Variants in GNG2 observed in about 807,000 individuals in gnomAD.
GNG2 encodes G protein subunit gamma 2, also known as guanine nucleotide-binding protein G(I)/G(S)/G(O) subunit gamma-2.
GNG2 carries 5 observed loss-of-function variants against 5.5 expected under a neutral mutation model. That is an observed-to-expected ratio of 0.91 (90% CI 0.48 to 1.92). The LOEUF (loss-of-function observed/expected upper bound fraction) is 1.92, where lower values mean the gene tolerates loss of function less well. GNG2 is among the 30% of genes most tolerant of loss of function. The pLI is 0.01. For synonymous variants in GNG2, 28 were observed against 32.0 expected, an observed-to-expected ratio of 0.88 and a Z score of 0.42; for missense variants, 55 against 88.4, an observed-to-expected ratio of 0.62 and a Z score of 1.52.
chr14:51,953,974 G>T (rs988256189), intron 3 of GNG2, among the ~76,000 whole-genome samples: 1 of 152,174 alleles, frequency 6.6e-6, no homozygotes, highest in Non-Finnish European at 1.5e-5. Context: ...CAAAGAATAG[G>T]ACTCTTAAGA....
At chr14:51,944,215 A>C (rs1888510621) in intron 2 of GNG2, among the ~76,000 whole-genome samples, 1 of 152,180 alleles carries the variant, frequency 6.6e-6, no homozygotes, top group African/African-American at 2.4e-5. Flanking sequence ...TGCTATCAAA[A>C]AAAAAATGCA....
At chr14:51,947,860 C>G (rs1442455915) in intron 2 of GNG2, among the ~76,000 whole-genome samples, 1 of 152,170 alleles carries the variant, frequency 6.6e-6, no homozygotes, top group African/African-American at 2.4e-5. Flanking sequence ...AATAGCAGGT[C>G]TGTTGGCTAA....
intron 2 of GNG2, among the ~76,000 whole-genome samples, chr14:51,891,696 CCAA>C (rs1348790544): frequency 6.6e-6 from 1 of 152,172 alleles, no homozygotes; most frequent in East Asian, 1.9e-4. Context: ...GGATTTTTAA[CCAA>C]CATTATGTTT....
At chr14:51,904,357 T>G in intron 2 of GNG2, among the ~76,000 whole-genome samples, 1 of 152,158 alleles carries the variant, frequency 6.6e-6, no homozygotes, top group East Asian at 1.9e-4. Flanking sequence ...GAAATGAATT[T>G]TAGCCTCTGC....
At chr14:51,861,985 ACACT>A (rs1203601152) in intron 1 of GNG2, among the ~76,000 whole-genome samples, 5 of 152,198 alleles carry the variant, frequency 3.3e-5, no homozygotes, top group East Asian at 3.8e-4. Flanking sequence ...CAATATTTTG[ACACT>A]CACAGATTCT....
chr14:51,896,238 G>A (rs376937607), intron 2 of GNG2, among the ~76,000 whole-genome samples: 4 of 152,274 alleles, frequency 2.6e-5, no homozygotes, highest in African/African-American at 7.2e-5. Context: ...GATCTAAAAC[G>A]TAAAAGGAAG....
chr14:51,858,413 A>G (rs4468527), upstream of GNG2, among the ~76,000 whole-genome samples: 137,360 of 152,252 alleles, frequency 0.9, 62,011 homozygotes, highest in East Asian at 1. Flanking sequence ...TGGAAGAACT[A>G]ATTAAAAGGC....
At chr14:51,955,950 G>T (rs918220834) in intron 3 of GNG2, among the ~76,000 whole-genome samples, 1 of 152,196 alleles carries the variant, frequency 6.6e-6, no homozygotes, top group East Asian at 1.9e-4. Context: ...ATGGAACCCT[G>T]TAGTGAGAAA....
rs183738434 is a variant in GNG2, at chr14:51,896,406, G to A, written c.-30+18749G>A. Among the ~76,000 whole-genome samples the A allele has an allele frequency of 9.2e-4, 140 of 152,318 alleles. 1 individual carries two copies. The East Asian group carries it at 0.011, about 12-fold the overall frequency. On this transcript the variant is annotated intron_variant, in intron 2 of 3. Transcript: ENST00000556766. The stretch of plus-strand genomic sequence containing the variant: ...GTTAAGTGACTTGCTTTGTTAAGTT[G>A]TAGAGTCAGAATTGAATAGGTGTCT...
chr14:51,886,926 A>AG (rs1884498405), intron 2 of GNG2, among the ~76,000 whole-genome samples: 1 of 152,234 alleles, frequency 6.6e-6, no homozygotes, highest in African/African-American at 2.4e-5. Flanking sequence ...GAAGATATAC[A>AG]GCACAGTTAA....
At chr14:51,908,534 CTA>C (rs1886081978) in intron 2 of GNG2, among the ~76,000 whole-genome samples, 1 of 38,548 alleles carries the variant, frequency 2.6e-5, no homozygotes, top group Non-Finnish European at 5.5e-5. Flanking sequence ...AAAGATCTAT[CTA>C]TCTATCTATC....
At chr14:51,845,371 G>A (rs1355865803) in intron 2 of GNG2, among the ~76,000 whole-genome samples, 1 of 152,188 alleles carries the variant, frequency 6.6e-6, no homozygotes, top group Non-Finnish European at 1.5e-5. Flanking sequence ...GCGCATCTGT[G>A]TGGTCCCAGT....
At chr14:51,953,195 G>C (rs920893416) in intron 3 of GNG2, among the ~76,000 whole-genome samples, 1 of 152,138 alleles carries the variant, frequency 6.6e-6, no homozygotes, top group Non-Finnish European at 1.5e-5. Flanking sequence ...CGCATCATAA[G>C]GTTGGATTTT....
rs113415411 is a variant in GNG2, at chr14:51,960,913, G to A, written c.88-5646G>A. ...ATAGCCTCAAGTGGTTTTCTCCTAT[G>A]CATGTGCCAATCAGTATTCAGCCAA... On this transcript the variant is annotated intron_variant, in intron 3 of 3. Coordinates refer to ENST00000556766, the MANE Select transcript of GNG2 (RefSeq NM_053064.5). Among the ~76,000 whole-genome samples the A allele has an allele frequency of 7.2e-3, 1,090 of 152,220 alleles. 13 individuals carry two copies. The highest frequency in any genetic ancestry group is 0.048 in the South Asian group (234 of 4,828).
At chr14:51,935,128 C>T (rs1020716274) in intron 2 of GNG2, among the ~76,000 whole-genome samples, 4 of 151,638 alleles carry the variant, frequency 2.6e-5, no homozygotes, top group Admixed American at 6.6e-5. Flanking sequence ...GAGTTCACGC[C>T]GTTCTCCTAC....
intron 2 of GNG2, among the ~76,000 whole-genome samples, chr14:51,938,005 G>A (rs8010780): frequency 0.077 from 11,645 of 152,206 alleles, 830 homozygotes; most frequent in East Asian, 0.27. Flanking sequence ...GTGAGGTAAC[G>A]CACAGGCTCT....
chr14:51,870,250 GA>G (rs59400479), intron 1 of GNG2, among the ~76,000 whole-genome samples: 78 of 146,016 alleles, frequency 5.3e-4, no homozygotes, highest in African/African-American at 1.7e-3. Flanking sequence ...AAAATATTAA[GA>G]AAAAAAAAAC....
rs1883503292 is a variant in GNG2 at position 51,874,306 on chromosome 14, TC to T, written c.-70-3308del. On this transcript the variant is annotated intron_variant, in intron 1 of 3. Coordinates refer to ENST00000556766, the MANE Select transcript of GNG2 (RefSeq NM_053064.5). Reference sequence around the variant, plus strand: ...CGGGCGTGGTGGTGGGCGCCTGTACTCCCAGCTACTTGGGAAGCTGAGGCAG... The same window carrying T: ...CGGGCGTGGTGGTGGGCGCCTGTACTCCAGCTACTTGGGAAGCTGAGGCAG... 3.3e-5 allele frequency among the ~76,000 whole-genome samples: 5 copies of T among 151,216 alleles called. No individual in the cohort carries two copies. The South Asian group carries it at 1.0e-3, about 32-fold the overall frequency.
chr14:51,857,620 C>A (rs1882222733), upstream of GNG2, among the ~76,000 whole-genome samples: 1 of 151,998 alleles, frequency 6.6e-6, no homozygotes, highest in Non-Finnish European at 1.5e-5. Flanking sequence ...ATTGTAATTG[C>A]ACAGAAAAAA....
Sources: allele counts gnomAD v4.1 joint callset (sites outside exome capture counted in the v4.1 genomes callset), GRCh38; gene constraint gnomAD v4.1.1; transcripts MANE v1.5; gene names NCBI Gene and HGNC (gene_info 2026-07-23, HGNC 2026-07-21).